PCNX1: variants seen among roughly 807,000 people sequenced by gnomAD.
PCNX1 encodes pecanex-like protein 1.
Under a neutral mutation model 242.2 loss-of-function variants are expected in PCNX1, and 78 were observed. The ratio of observed to expected loss-of-function variants is 0.32; its 90% CI spans 0.27 to 0.39. PCNX1 has a LOEUF of 0.39. Ranked by LOEUF, PCNX1 falls within the 10% of genes least tolerant of loss-of-function variation. The pLI is 1.00. For synonymous variants in PCNX1, 1,024 were observed against 1,032.9 expected (o/e 0.99, Z 0.17); for missense variants, 2,581 against 2,856.5 (o/e 0.90, Z 2.20).
At chr14:71,088,200 A>G in intron 28 of PCNX1, 130 bp from the exon 29 acceptor site, 1 of 478,886 alleles carries the variant, frequency 2.1e-6, no homozygotes, top group Non-Finnish European at 3.8e-6. Flanking sequence ...AGTTTTATTA[A>G]GTTTATTTTG....
chr14:70,931,277 A>G (rs945119407), intron 1 of PCNX1, among the ~76,000 whole-genome samples: 5 of 152,222 alleles, frequency 3.3e-5, no homozygotes, highest in Admixed American at 2.6e-4. Flanking sequence ...CAGGCATACC[A>G]GTAAAAAAGC....
Position 71,055,556 on chromosome 14 carries a change from A to C in PCNX1, c.4630A>C (p.Asn1544His). ...CAGATTGGCTTCCCAGCTTGATAGAAATCCAGGTAATAGCTCTATTTGTGA... is the reference window on the plus strand; with the variant it reads ...CAGATTGGCTTCCCAGCTTGATAGACATCCAGGTAATAGCTCTATTTGTGA... ...NTRLASQLDR[N>H]PGSDDNNLNS... Residue 1544 changes from asparagine (N) to histidine (H), a missense_variant, in exon 25 of 36, where the codon AAT (asparagine) becomes CAT (histidine). Transcript: ENST00000304743. 1 of 1,593,622 alleles carries C rather than the reference A, an allele frequency of 6.3e-7. No homozygotes were observed. Among genetic ancestry groups the C allele is most frequent in the Non-Finnish European group, 8.6e-7 (1 of 1,162,166 alleles).
intron 19 of PCNX1, 49 bp downstream of exon 19, chr14:71,036,206 T>TGAGACC: frequency 8.5e-7 from 1 of 1,176,100 alleles, no homozygotes; most frequent in Non-Finnish European, 1.3e-6. Context: ...TGAGACAGGG[T>TGAGACC]CTCACTCTGT....
At chr14:70,918,576 C>G (rs1245286076) in intron 1 of PCNX1, among the ~76,000 whole-genome samples, 1 of 152,190 alleles carries the variant, frequency 6.6e-6, no homozygotes, top group East Asian at 1.9e-4. Context: ...TGAGCACATG[C>G]TGTTGGAAAA....
chr14:71,092,574 T>C (rs2062164164), intron 30 of PCNX1: 1 of 152,266 alleles, frequency 6.6e-6, no homozygotes, highest in Admixed American at 6.5e-5. Context: ...AAAAAGGTTA[T>C]CTGCCTGAAC....
chr14:71,100,408 G>C (rs773711689), intron 30 of PCNX1, among the ~76,000 whole-genome samples: 4 of 152,152 alleles, frequency 2.6e-5, no homozygotes, highest in African/African-American at 4.8e-5. Context: ...TAAGAATGCT[G>C]AAAACAGGCC....
chr14:71,082,634 T>C (rs964428813), intron 28 of PCNX1, among the ~76,000 whole-genome samples: 10 of 152,146 alleles, frequency 6.6e-5, no homozygotes, highest in African/African-American at 2.4e-4. Context: ...TCTTTGTTGG[T>C]TTAAAGTCTG....
chr14:71,011,589 G>T, intron 10 of PCNX1, 40 bp downstream of exon 10: 1 of 1,116,966 alleles, frequency 9.0e-7, no homozygotes, highest in South Asian at 1.3e-5. Flanking sequence ...TAAATTTTCA[G>T]ATTAAATCTG....
At chr14:70,914,294 A>G (rs966443252) in intron 1 of PCNX1, among the ~76,000 whole-genome samples, 10 of 151,908 alleles carry the variant, frequency 6.6e-5, no homozygotes, top group Non-Finnish European at 1.3e-4. Flanking sequence ...TAATATGCCT[A>G]TGTGACAAAC....
intron 7 of PCNX1, among the ~76,000 whole-genome samples, chr14:70,995,208 T>C (rs760245281): frequency 5.3e-5 from 8 of 152,228 alleles, no homozygotes; most frequent in African/African-American, 9.6e-5. Flanking sequence ...TAGTTTGTGA[T>C]TCTTTTTGAT....
chr14:71,055,406 C>A, intron 24 of PCNX1, 98 bp from the exon 25 acceptor site: 1 of 703,566 alleles, frequency 1.4e-6, no homozygotes, highest in Non-Finnish European at 2.4e-6. Flanking sequence ...AAGTGATAAC[C>A]TTTATTTTAT....
intron 8 of PCNX1, among the ~76,000 whole-genome samples, chr14:70,998,764 A>G (rs1330428214): frequency 6.6e-6 from 1 of 151,468 alleles, no homozygotes; most frequent in Non-Finnish European, 1.5e-5. Context: ...AAAAAAAAAA[A>G]AAAAAAAAGA....
chr14:71,025,712 T>A (rs1032309767), intron 13 of PCNX1, among the ~76,000 whole-genome samples: 2 of 151,946 alleles, frequency 1.3e-5, no homozygotes, highest in Non-Finnish European at 2.9e-5. Flanking sequence ...ACTCCATCTC[T>A]AAAAAAATTA....
At chr14:71,000,170 ATACT>A (rs1166331820) in intron 8 of PCNX1, among the ~76,000 whole-genome samples, 2 of 152,216 alleles carry the variant, frequency 1.3e-5, no homozygotes, top group Non-Finnish European at 2.9e-5. Flanking sequence ...AACAATAAAA[ATACT>A]TCATTATATT....
At chr14:70,949,276 C>CACGT (rs1340578012) in intron 2 of PCNX1, among the ~76,000 whole-genome samples, 1 of 29,442 alleles carries the variant, frequency 3.4e-5, no homozygotes, top group Non-Finnish European at 9.8e-5. Flanking sequence ...TATGCACACA[C>CACGT]GTGTATACAC....
intron 3 of PCNX1, among the ~76,000 whole-genome samples, chr14:70,965,184 T>G (rs978837816): frequency 6.6e-6 from 1 of 152,168 alleles, no homozygotes. Context: ...TTCCATTCTT[T>G]CTTTTCATTC....
rs569020082 is a variant in PCNX1 at position 71,094,003 on chromosome 14, A to G, written c.5589+4661A>G. Among the ~76,000 whole-genome samples the G allele has an allele frequency of 3.9e-5, 6 of 152,344 alleles. No individual in the cohort carries two copies. In the South Asian group the frequency reaches 1.2e-3, roughly 32 times the overall value. The stretch of plus-strand genomic sequence containing the variant: ...TTCTAGTCAACAGTAAGGTATTTGT[A>G]TTTAACATTTTTGGGGGAGTCAAAG... On this transcript the variant is annotated intron_variant, in intron 30 of 35. Transcript: ENST00000304743.
intron 7 of PCNX1, among the ~76,000 whole-genome samples, chr14:70,992,323 A>G (rs1305836662): frequency 6.6e-6 from 1 of 152,182 alleles, no homozygotes; most frequent in East Asian, 1.9e-4. Flanking sequence ...AAAATACAAG[A>G]TTAAAAAATC....
At chr14:71,064,246 A>G (rs1313512346) in intron 26 of PCNX1, among the ~76,000 whole-genome samples, 2 of 152,008 alleles carry the variant, frequency 1.3e-5, no homozygotes, top group Non-Finnish European at 1.5e-5. Context: ...TTTTGCTCAG[A>G]AAAAAAATCT....
Sources: allele counts gnomAD v4.1 joint callset (sites outside exome capture counted in the v4.1 genomes callset), GRCh38; gene constraint gnomAD v4.1.1; transcripts MANE v1.5; gene names NCBI Gene and HGNC (gene_info 2026-07-23, HGNC 2026-07-21).